Variants in ZSCAN5A observed in about 807,000 individuals in gnomAD.
ZSCAN5A encodes the protein zinc finger and SCAN domain containing 5A, also known as zinc finger and SCAN domain-containing protein 5A.
Under a neutral mutation model 23.7 loss-of-function variants are expected in ZSCAN5A, and 12 were observed. The ratio of observed to expected loss-of-function variants is 0.51; its 90% CI spans 0.32 to 0.82. The LOEUF (loss-of-function observed/expected upper bound fraction) is 0.82. Ranked by LOEUF, ZSCAN5A falls within the 40% of genes least tolerant of loss-of-function variation. The pLI is 0.03. For synonymous variants in ZSCAN5A, 257 were observed against 239.9 expected (o/e 1.07, Z -0.66); for missense variants, 597 against 617.9 (o/e 0.97, Z 0.36).
chr19:56,249,901 C>T (rs1184585529), intron 2 of ZSCAN5A, among the ~76,000 whole-genome samples: 1 of 152,090 alleles, frequency 6.6e-6, no homozygotes, highest in African/African-American at 2.4e-5. Context: ...GCTGATGCTG[C>T]TGGTCTTGGG....
chr19:56,317,833 C>A (rs2041333507), upstream of ZSCAN5A: 1 of 152,332 alleles, frequency 6.6e-6, no homozygotes, highest in Admixed American at 6.5e-5. Flanking sequence ...TGGTGCCACA[C>A]AAACTCCACA....
intron 2 of ZSCAN5A, among the ~76,000 whole-genome samples, chr19:56,291,857 T>C (rs1394203147): frequency 1.3e-5 from 2 of 152,164 alleles, no homozygotes; most frequent in African/African-American, 2.4e-5. Context: ...TGTAATGCCA[T>C]GATGAGGATG....
chr19:56,280,007 A>G (rs570773501), intron 2 of ZSCAN5A, among the ~76,000 whole-genome samples: 1 of 152,266 alleles, frequency 6.6e-6, no homozygotes, highest in South Asian at 2.1e-4. Context: ...AGAAGTTCTC[A>G]AGGTTATACT....
intron 2 of ZSCAN5A, among the ~76,000 whole-genome samples, chr19:56,324,483 T>C (rs2041414186): frequency 6.6e-6 from 1 of 151,928 alleles, no homozygotes; most frequent in South Asian, 2.1e-4. Flanking sequence ...AGCCAAAAAA[T>C]AATGGATGCT....
At chr19:56,254,241 C>CATAAAG (rs58850036) in intron 2 of ZSCAN5A, among the ~76,000 whole-genome samples, 89,834 of 151,062 alleles carry the variant, frequency 0.59, 26,845 homozygotes, top group South Asian at 0.63. Flanking sequence ...CAAAGTATTA[C>CATAAAG]ATAAACTTTG....
intron 2 of ZSCAN5A, among the ~76,000 whole-genome samples, chr19:56,350,863 T>C (rs1028227176): frequency 6.6e-6 from 1 of 152,032 alleles, no homozygotes; most frequent in African/African-American, 2.4e-5. Flanking sequence ...ATGTTTTATT[T>C]AATAAAACAT....
At chr19:56,280,936 G>C (rs2038648614) in intron 2 of ZSCAN5A, among the ~76,000 whole-genome samples, 1 of 152,138 alleles carries the variant, frequency 6.6e-6, no homozygotes, top group Non-Finnish European at 1.5e-5. Flanking sequence ...AACAATGTGA[G>C]AGTTAGGGGC....
rs371491455 is a variant in ZSCAN5A, at chr19:56,266,493, C to CCTTTTTTTTTTTTTTTTTTTTTT, written c.-127-41321_-127-41320insAAAAAAAAAAAAAAAAAAAAAAG. On this transcript the variant is annotated intron_variant, in intron 2 of 5. Transcript: ENST00000683990. ...GCTTTCTGCTTGGGAGATGCCCCCA[C>CCTTTTTTTTTTTTTTTTTTTTTT]TTTTTTTTTTTTTTTTTTTTTTGAG... The CCTTTTTTTTTTTTTTTTTTTTTT allele has an allele frequency of 8.6e-5, 5 of 58,002 alleles. 2 individuals are homozygous for CCTTTTTTTTTTTTTTTTTTTTTT. Among genetic ancestry groups the CCTTTTTTTTTTTTTTTTTTTTTT allele is most frequent in the Non-Finnish European group, 3.4e-5 (1 of 29,720 alleles). 3.6% of individuals were successfully genotyped at this position (58,002 alleles called of 1,614,324 possible).
At chr19:56,306,076 C>A (rs866305127) in intron 2 of ZSCAN5A, among the ~76,000 whole-genome samples, 37 of 152,248 alleles carry the variant, frequency 2.4e-4, no homozygotes, top group African/African-American at 8.2e-4. Flanking sequence ...TTAGACCCAA[C>A]CTTCAGAGCC....
chr19:56,302,899 A>G (rs886889676), intron 2 of ZSCAN5A: 4 of 398,444 alleles, frequency 1.0e-5, no homozygotes, highest in Non-Finnish European at 8.8e-6. Context: ...TGGTTGAGCT[A>G]CCTTCAAGAA....
At chr19:56,236,040 G>T (rs71352858) in intron 2 of ZSCAN5A, among the ~76,000 whole-genome samples, 1 of 78,928 alleles carries the variant, frequency 1.3e-5, no homozygotes, top group Admixed American at 1.2e-4. Context: ...AACCTCTGAT[G>T]GACGGTGGGC....
chr19:56,253,634 G>C (rs572471485), intron 2 of ZSCAN5A, among the ~76,000 whole-genome samples: 1 of 152,336 alleles, frequency 6.6e-6, no homozygotes, highest in South Asian at 2.1e-4. Flanking sequence ...AAGGACTGAG[G>C]TGAACAGTTT....
chr19:56,239,518 A>G (rs1480424779), intron 2 of ZSCAN5A, among the ~76,000 whole-genome samples: 1 of 152,120 alleles, frequency 6.6e-6, no homozygotes, highest in Non-Finnish European at 1.5e-5. Flanking sequence ...CCACCCTCTC[A>G]CCGTCCTGGA....
At chr19:56,304,540 C>G (rs2040558816) in intron 2 of ZSCAN5A, among the ~76,000 whole-genome samples, 1 of 152,154 alleles carries the variant, frequency 6.6e-6, no homozygotes, top group Non-Finnish European at 1.5e-5. Flanking sequence ...TGAGAAACCC[C>G]AGCTTAGGGG....
In ZSCAN5A at chr19:56,224,941, G is replaced by A; in HGVS notation, c.106C>T (p.His36Tyr). Residue 36 changes from histidine (H) to tyrosine (Y), a missense_variant, in exon 3 of 6, where the codon CAC (histidine) becomes TAC (tyrosine). His to Tyr is a moderately conservative substitution (Grantham distance 83). Transcript: ENST00000683990. Reference protein sequence around the residue: ...MASSETQLGNHDVDPEISHVN... With the variant: ...MASSETQLGNYDVDPEISHVN... ...TGAGAAATCTCAGGGTCCACGTCGT[G>A]ATTTCCAAGTTGAGTTTCTGAGGAT... is the stretch of plus-strand genomic sequence containing the variant. The A allele has an allele frequency of 6.2e-7, 1 of 1,614,210 alleles. No individual in the cohort carries two copies.
At chr19:56,274,208 C>T (rs777281162) in intron 2 of ZSCAN5A, among the ~76,000 whole-genome samples, 10 of 152,146 alleles carry the variant, frequency 6.6e-5, no homozygotes, top group Non-Finnish European at 1.3e-4. Context: ...AATCCCAGCA[C>T]TTTGGGAAGC....
chr19:56,320,600 G>A (rs1040171656), intron 2 of ZSCAN5A: 4 of 601,944 alleles, frequency 6.6e-6, no homozygotes, highest in Non-Finnish European at 1.2e-5. Flanking sequence ...TGACAAGAGC[G>A]AAATTCTGTC....
chr19:56,364,293 T>C (rs917428557), intron 1 of ZSCAN5A, among the ~76,000 whole-genome samples: 4 of 152,256 alleles, frequency 2.6e-5, no homozygotes, highest in African/African-American at 7.2e-5. Flanking sequence ...GCTTACCATA[T>C]GAACTTATGT....
chr19:56,367,152 G>C (rs908129067), intron 1 of ZSCAN5A: 1 of 152,164 alleles, frequency 6.6e-6, no homozygotes, highest in Non-Finnish European at 1.5e-5. Flanking sequence ...TTGAGGCCAC[G>C]AGTTTGAGAC....
Sources: gnomAD v4.1 joint callset for allele counts (sites outside exome capture counted in the v4.1 genomes callset) on GRCh38, gnomAD v4.1.1 for gene constraint, MANE v1.5 for transcripts, NCBI Gene and HGNC (gene_info 2026-07-23, HGNC 2026-07-21) for gene names.